The following PPP6C variants were observed in gnomAD, a reference collection of about 807,000 sequenced individuals.
PPP6C encodes serine/threonine-protein phosphatase 6 catalytic subunit.
A neutral mutation model predicts 39.8 loss-of-function variants in PPP6C; 11 were observed. The ratio of observed to expected loss-of-function variants is 0.28; its 90% CI spans 0.17 to 0.46. The LOEUF is 0.46. PPP6C is among the 20% of genes least tolerant of loss of function. PPP6C has a pLI of 1.00. For missense variants in PPP6C, 211 were observed against 373.9 expected (o/e 0.56, Z 3.59); for synonymous variants, 129 against 130.3 (o/e 0.99, Z 0.07).
intron 4 of PPP6C, among the ~76,000 whole-genome samples, chr9:125,157,625 C>G (rs757279793): frequency 3.3e-5 from 5 of 151,660 alleles, no homozygotes; most frequent in Non-Finnish European, 5.9e-5. Flanking sequence ...TCAGCAGATT[C>G]TAGATTCCCA....
At chr9:125,184,735 G>A (rs1006386521) in intron 1 of PPP6C, among the ~76,000 whole-genome samples, 24 of 152,196 alleles carry the variant, frequency 1.6e-4, no homozygotes, top group Admixed American at 1.2e-3. Context: ...CACTTTGGGA[G>A]GCCGAGGTGG....
At chr9:125,186,291 G>GA (rs140341529) in intron 1 of PPP6C, among the ~76,000 whole-genome samples, 3 of 151,546 alleles carry the variant, frequency 2.0e-5, no homozygotes, top group African/African-American at 7.3e-5. Context: ...CCAAGAAACA[G>GA]AAAAAAATTA....
At chr9:125,161,752 T>C (rs1828880631) in intron 2 of PPP6C, among the ~76,000 whole-genome samples, 1 of 152,228 alleles carries the variant, frequency 6.6e-6, no homozygotes, top group Admixed American at 6.5e-5. Context: ...ATCATATTTC[T>C]ATTTACTGAA....
At chr9:125,150,639 T>C in intron 6 of PPP6C, 1 of 970,814 alleles carries the variant, frequency 1.0e-6, no homozygotes, top group Non-Finnish European at 1.5e-6. Flanking sequence ...CTTAGGGTAG[T>C]TGGCCAGGAT....
intron 2 of PPP6C, among the ~76,000 whole-genome samples, chr9:125,162,457 CAAAAAAA>C (rs977223135): frequency 2.8e-4 from 20 of 70,976 alleles, no homozygotes; most frequent in African/African-American, 4.7e-4. Context: ...GATTCTGTCT[CAAAAAAA>C]AAAAAAAAAA....
At chr9:125,176,572 G>T (rs765981326) in intron 1 of PPP6C, among the ~76,000 whole-genome samples, 1 of 152,166 alleles carries the variant, frequency 6.6e-6, no homozygotes, top group African/African-American at 2.4e-5. Flanking sequence ...TGCAAGGATC[G>T]CTTGAGCCCG....
intron 1 of PPP6C, 21 bp downstream of exon 1, chr9:125,189,623 G>C: frequency 6.2e-7 from 1 of 1,612,488 alleles, no homozygotes; most frequent in Non-Finnish European, 8.5e-7. Flanking sequence ...CGGAAGGGGC[G>C]AGCCCGCAAA....
intron 1 of PPP6C, among the ~76,000 whole-genome samples, chr9:125,186,706 T>A (rs537939887): frequency 6.6e-6 from 1 of 151,836 alleles, no homozygotes; most frequent in African/African-American, 2.4e-5. Flanking sequence ...GCCATGATTG[T>A]GCCACCACAC....
Position 125,149,759 on chromosome 9 carries a change from T to G in PPP6C, c.832A>C (p.Asn278His). Reference sequence around the variant, plus strand: ...CGGAATAACTTTGGTTCTCTTGTATTTACATCTTTGAAGACCATGATCGAA... The same window carrying G: ...CGGAATAACTTTGGTTCTCTTGTATGTACATCTTTGAAGACCATGATCGAA... ...IASIMVFKDVNTREPKLFRAV... is the reference protein window; with the variant it reads ...IASIMVFKDVHTREPKLFRAV... The change falls in exon 7 of 7, where the codon AAT becomes CAT. Residue 278 changes from asparagine (N) to histidine (H), a missense_variant. By Grantham distance (68) the Asn-to-His change is moderately conservative (BLOSUM62 1). This residue lies in a region of PPP6C where 168 missense variants were observed against 342.6 expected (regional missense o/e 0.49). Coordinates refer to ENST00000373547, the MANE Select transcript of PPP6C (RefSeq NM_002721.5). 6.2e-7 allele frequency: 1 copy of G among 1,614,178 alleles called. No individual in the cohort carries two copies. Among genetic ancestry groups the G allele is most frequent in the South Asian group, 1.1e-5 (1 of 91,090 alleles).
At chr9:125,155,412 G>GCCAAGT (rs1836043971) in intron 4 of PPP6C, among the ~76,000 whole-genome samples, 4 of 152,132 alleles carry the variant, frequency 2.6e-5, no homozygotes, top group Non-Finnish European at 1.5e-5. Context: ...AAGCAAGATT[G>GCCAAGT]TTATGTAAAC....
intron 6 of PPP6C, chr9:125,150,816 C>A: frequency 2.7e-6 from 2 of 748,900 alleles, no homozygotes; most frequent in Non-Finnish European, 4.9e-6. Context: ...CTACATCATT[C>A]AGAGTGGTTG....
chr9:125,177,066 T>G (rs368259538), intron 1 of PPP6C, among the ~76,000 whole-genome samples: 1 of 152,080 alleles, frequency 6.6e-6, no homozygotes, highest in Non-Finnish European at 1.5e-5. Context: ...CACAGCAAAA[T>G]TGAGCAGAAA....
rs781110225 is a variant in PPP6C, at chr9:125,189,761, T to TAGCAGCGGCGGCGGCAGC, written c.-61_-44dup. The stretch of plus-strand genomic sequence containing the variant: ...GCGGCAACAGCGGCGGCGGCGGCTG[T>TAGCAGCGGCGGCGGCAGC]AGCAGCGGCGGCGGCAGCGGCGGAG... On this transcript the variant is annotated 5_prime_UTR_variant, in exon 1 of 7. Transcript: ENST00000373547. 86 of 1,545,318 alleles carry TAGCAGCGGCGGCGGCAGC rather than the reference T, an allele frequency of 5.6e-5. No homozygotes were observed. Among genetic ancestry groups the TAGCAGCGGCGGCGGCAGC allele is most frequent in the Non-Finnish European group, 7.0e-5 (80 of 1,147,158 alleles).
chr9:125,157,183 G>C (rs1236783871), intron 4 of PPP6C, among the ~76,000 whole-genome samples: 3 of 137,328 alleles, frequency 2.2e-5, no homozygotes, highest in Non-Finnish European at 4.5e-5. Flanking sequence ...ACAGGGTTTA[G>C]TTGGCCAGGC....
intron 1 of PPP6C, among the ~76,000 whole-genome samples, chr9:125,181,511 C>T (rs1829421319): frequency 1.3e-5 from 2 of 152,048 alleles, no homozygotes; most frequent in African/African-American, 4.8e-5. Context: ...CAGGCCCCAG[C>T]ATGTGATGTT....
chr9:125,188,890 C>T (rs1361354831), intron 1 of PPP6C: 3 of 1,538,498 alleles, frequency 1.9e-6, no homozygotes, highest in African/African-American at 1.4e-5. Context: ...TTTACTCTTA[C>T]TTGGACTCAG....
intron 2 of PPP6C, 65 bp from the exon 3 acceptor site, chr9:125,160,971 A>C (rs1828858307): frequency 8.6e-7 from 1 of 1,165,238 alleles, no homozygotes; most frequent in Admixed American, 2.4e-5. Flanking sequence ...AACAAAACTG[A>C]GAGTGAAATG....
rs1338285420 is a variant in PPP6C, at chr9:125,147,286, T to TA, written c.*2386dup. The TA allele has an allele frequency of 6.6e-6, 1 of 152,152 alleles. No homozygotes were observed. The highest frequency in any genetic ancestry group is 2.4e-5 in the African/African-American group (1 of 41,432). The allele number at this position is 152,152 out of a possible 1,614,324, so 9.4% of individuals were successfully genotyped here. On this transcript the variant is annotated 3_prime_UTR_variant, in exon 7 of 7. Coordinates refer to ENST00000373547, the MANE Select transcript of PPP6C (RefSeq NM_002721.5). ...CAAGTATATCATAGGCAAATAAAAA[T>TA]AGTTTTTACCCCCATTGATACAACA...
intron 4 of PPP6C, among the ~76,000 whole-genome samples, chr9:125,157,147 G>T (rs990362004): frequency 9.8e-6 from 1 of 101,884 alleles, no homozygotes; most frequent in Non-Finnish European, 1.9e-5. Flanking sequence ...ACCAGTGCCC[G>T]GCTAATTTTT....
Sources: gnomAD v4.1 joint callset for allele counts (sites outside exome capture counted in the v4.1 genomes callset) on GRCh38, gnomAD v4.1.1 for gene constraint, gnomAD v4.1.1 regional missense constraint, MANE v1.5 for transcripts, NCBI Gene and HGNC (gene_info 2026-07-23, HGNC 2026-07-21) for gene names.